The following GALNT18 variants were observed in gnomAD, a reference collection of about 807,000 sequenced individuals.
The protein encoded by GALNT18 is GalNAc-transferase 18.
In GALNT18, 44 loss-of-function variants were observed where a neutral mutation model predicts 69.5. That is an observed-to-expected ratio of 0.63 (90% CI 0.50 to 0.81). The LOEUF (loss-of-function observed/expected upper bound fraction) is 0.81. GALNT18 is among the 40% of genes least tolerant of loss of function. The probability of loss-of-function intolerance (pLI) is 0.00; values close to 1 mark genes in which losing one functional copy is unlikely to be tolerated. For synonymous variants in GALNT18, 364 were observed against 318.2 expected, an observed-to-expected ratio of 1.14 and a Z score of -1.53; for missense variants, 715 against 810.0, an observed-to-expected ratio of 0.88 and a Z score of 1.42.
intron 1 of GALNT18, among the ~76,000 whole-genome samples, chr11:11,559,328 A>T (rs1380820183): frequency 2.6e-5 from 4 of 152,266 alleles, no homozygotes; most frequent in Middle Eastern, 3.4e-3. Context: ...GCTTGGGGGA[A>T]AGGGGAGAAG....
rs1159326433 is a variant in GALNT18, at chr11:11,347,691, C to G, written c.1093-6687G>C. ...GCCCAGAAAGCCTCCTTCCTGCTCT[C>G]CACATCCATCCAAAGCCGGCCTGGC... On this transcript the variant is annotated intron_variant, in intron 6 of 10. Transcript: ENST00000227756. This position sits in a 1 kb window ranked among gnomAD's most constrained non-coding sequence, Gnocchi z 4.0. Among the ~76,000 whole-genome samples the G allele has an allele frequency of 1.3e-5, 2 of 152,332 alleles. No individual in the cohort carries two copies. Among genetic ancestry groups the G allele is most frequent in the African/African-American group, 2.4e-5 (1 of 41,570 alleles).
intron 10 of GALNT18, among the ~76,000 whole-genome samples, chr11:11,281,717 G>C (rs901977430): frequency 2.0e-5 from 3 of 148,820 alleles, no homozygotes; most frequent in Non-Finnish European, 3.0e-5. Context: ...GCCCAGCCCA[G>C]CCACAGCCTC....
chr11:11,401,264 T>C (rs1854462170), intron 3 of GALNT18, among the ~76,000 whole-genome samples: 1 of 152,056 alleles, frequency 6.6e-6, no homozygotes, highest in Admixed American at 6.6e-5. Context: ...GAGCTCAGAG[T>C]ACAGAAAATT....
At position 11,461,861 on chromosome 11, in the gene GALNT18, C is replaced by G. The variant is rs148984579; in HGVS notation, c.236-12925G>C. ...CCTTTCAAGGCTCTGCTACAAGAGT[C>G]CTTGCTTTGGGAAACCTGCAGCCTG... On this transcript the variant is annotated intron_variant, in intron 1 of 10. Transcript: ENST00000227756. This position sits in a 1 kb window ranked among gnomAD's most constrained non-coding sequence, Gnocchi z 4.1. Among the ~76,000 whole-genome samples, 7 of 152,334 alleles carry G rather than the reference C, an allele frequency of 4.6e-5. No individual in the cohort carries two copies. The highest frequency in any genetic ancestry group is 1.7e-4 in the African/African-American group (7 of 41,570).
chr11:11,313,071 C>T (rs1849695341), intron 9 of GALNT18, among the ~76,000 whole-genome samples: 1 of 152,090 alleles, frequency 6.6e-6, no homozygotes, highest in South Asian at 2.1e-4. Flanking sequence ...GGAAAGACTG[C>T]CCTAAAGAAG....
At chr11:11,395,938 G>C (rs1854315837) in intron 3 of GALNT18, among the ~76,000 whole-genome samples, 1 of 152,152 alleles carries the variant, frequency 6.6e-6, no homozygotes, top group African/African-American at 2.4e-5. Context: ...AGAACCAGTG[G>C]GCACAAGGAC....
rs1217878097 is a variant in GALNT18 at position 11,613,209 on chromosome 11, C to T, written c.235+8150G>A. 3.3e-5 allele frequency among the ~76,000 whole-genome samples: 5 copies of T among 152,140 alleles called. No homozygotes were observed. Among genetic ancestry groups the T allele is most frequent in the Non-Finnish European group, 1.5e-5 (1 of 68,034 alleles). ...CTTAAGTGTTCATATAACAAGGAATCCTCTTGCTTAAAGTTCCAGTTGGCT... is the reference window on the plus strand; with the variant it reads ...CTTAAGTGTTCATATAACAAGGAATTCTCTTGCTTAAAGTTCCAGTTGGCT... On this transcript the variant is annotated intron_variant, in intron 1 of 10. Coordinates refer to ENST00000227756, the MANE Select transcript of GALNT18 (RefSeq NM_198516.3). The surrounding 1 kb of genome is among the most constrained non-coding windows in gnomAD (Gnocchi z 4.2).
At position 11,445,662 on chromosome 11, in the gene GALNT18, G is replaced by A. The variant is rs564398114; in HGVS notation, c.428+3082C>T. Among the ~76,000 whole-genome samples, 6 of 152,324 alleles carry A rather than the reference G, an allele frequency of 3.9e-5. No homozygotes were observed. In the South Asian group the frequency reaches 1.2e-3, roughly 32 times the overall value. On this transcript the variant is annotated intron_variant, in intron 2 of 10. Transcript: ENST00000227756. ...TAGACGGAGCCTTCCAAGTACATGT[G>A]CAAAGAGAACCCTCCACTGTTAAAG...
chr11:11,348,304 G>A (rs1256855356), intron 6 of GALNT18, among the ~76,000 whole-genome samples: 1 of 151,414 alleles, frequency 6.6e-6, no homozygotes, highest in African/African-American at 2.4e-5. Context: ...CTTGAACCCA[G>A]GAGGCGGAGA....
Position 11,444,730 on chromosome 11 carries a change from C to T in GALNT18, c.428+4014G>A, listed in dbSNP as rs1412366599. Among the ~76,000 whole-genome samples the T allele has an allele frequency of 6.6e-6, 1 of 152,136 alleles. No homozygotes were observed. Among genetic ancestry groups the T allele is most frequent in the Non-Finnish European group, 1.5e-5 (1 of 68,040 alleles). The stretch of plus-strand genomic sequence containing the variant: ...GGGCAGGATTCTGAACACTCACTTT[C>T]TGATCTAGGAATGAAGCCAAGAATA... On this transcript the variant is annotated intron_variant, in intron 2 of 10. Coordinates refer to ENST00000227756, the MANE Select transcript of GALNT18 (RefSeq NM_198516.3). This position sits in a 1 kb window ranked among gnomAD's most constrained non-coding sequence, Gnocchi z 4.4.
chr11:11,378,597 T>TA lies in GALNT18; in HGVS notation c.779+483dup, dbSNP rs1394428427. ...ATAGGGAGAATCTGAGATTACGTGC[T>TA]ACCTCCAATCTGGCAGTGGGAAAGC... On this transcript the variant is annotated intron_variant, in intron 4 of 10. Coordinates refer to ENST00000227756, the MANE Select transcript of GALNT18 (RefSeq NM_198516.3). Among the ~76,000 whole-genome samples, 7 of 152,344 alleles carry TA rather than the reference T, an allele frequency of 4.6e-5. No homozygotes were observed. The East Asian group carries it at 1.4e-3, about 29-fold the overall frequency.
intron 9 of GALNT18, among the ~76,000 whole-genome samples, chr11:11,303,480 C>G (rs886192421): frequency 6.6e-6 from 1 of 152,104 alleles, no homozygotes; most frequent in Non-Finnish European, 1.5e-5. Flanking sequence ...CTAGAGAAAC[C>G]TGACTCAAGA....
intron 1 of GALNT18, among the ~76,000 whole-genome samples, chr11:11,450,434 G>T (rs1390927822): frequency 1.3e-5 from 2 of 152,114 alleles, no homozygotes; most frequent in Non-Finnish European, 2.9e-5. Flanking sequence ...CAAAACATAG[G>T]CTCCCCCTAC....
At chr11:11,279,256 A>C (rs1218846657) in intron 10 of GALNT18, among the ~76,000 whole-genome samples, 1 of 152,176 alleles carries the variant, frequency 6.6e-6, no homozygotes, top group East Asian at 1.9e-4. Context: ...TGAGCCAATT[A>C]TACCTCTTTT....
At chr11:11,364,080 G>A (rs1850702240) in intron 6 of GALNT18, among the ~76,000 whole-genome samples, 1 of 151,810 alleles carries the variant, frequency 6.6e-6, no homozygotes, top group Non-Finnish European at 1.5e-5. Flanking sequence ...GGGTGGTTGA[G>A]AATCAATTCA....
At chr11:11,406,998 G>A (rs1335830080) in intron 3 of GALNT18, among the ~76,000 whole-genome samples, 5 of 152,220 alleles carry the variant, frequency 3.3e-5, no homozygotes, top group African/African-American at 9.7e-5. Context: ...CCAGGAGGAG[G>A]CCTTCCTTAG....
intron 1 of GALNT18, among the ~76,000 whole-genome samples, chr11:11,560,356 A>C (rs1554951724): frequency 7.5e-6 from 1 of 133,424 alleles, no homozygotes; most frequent in Non-Finnish European, 1.7e-5. Flanking sequence ...ATGGAATGAA[A>C]CAGAGTAGTT....
chr11:11,487,278 G>T (rs1317213518), intron 1 of GALNT18, among the ~76,000 whole-genome samples: 10 of 152,202 alleles, frequency 6.6e-5, no homozygotes, highest in Non-Finnish European at 1.5e-4. Flanking sequence ...GTAGGAAGGG[G>T]TGAAGGATGA....
At chr11:11,446,546 G>C (rs1855657437) in intron 2 of GALNT18, among the ~76,000 whole-genome samples, 1 of 152,082 alleles carries the variant, frequency 6.6e-6, no homozygotes, top group Non-Finnish European at 1.5e-5. Context: ...CCCAGGAGTG[G>C]TCTCTGCAGC....
Sources: gnomAD v4.1 joint callset for allele counts (sites outside exome capture counted in the v4.1 genomes callset) on GRCh38, gnomAD v4.1.1 for gene constraint, Gnocchi (gnomAD v3.1) non-coding constraint, MANE v1.5 for transcripts, NCBI Gene and HGNC (gene_info 2026-07-23, HGNC 2026-07-21) for gene names.